The following PMFBP1 variants were observed in gnomAD, a reference collection of about 807,000 sequenced individuals.
PMFBP1 encodes polyamine-modulated factor 1-binding protein 1.
A neutral mutation model predicts 137.8 loss-of-function variants in PMFBP1; 131 were observed. The ratio of observed to expected loss-of-function variants is 0.95; its 90% confidence interval spans 0.82 to 1.10. The LOEUF (loss-of-function observed/expected upper bound fraction) is 1.10. Among genes scored for constraint, PMFBP1 ranks in the 50% least tolerant of loss-of-function variants. The pLI is 0.00. For missense variants in PMFBP1, 1,199 were observed against 1,175.4 expected, an observed-to-expected ratio of 1.02 and a Z score of -0.29; for synonymous variants, 490 against 450.4, an observed-to-expected ratio of 1.09 and a Z score of -1.11.
chr16:72,169,692 C>T (rs1477735527), intron 2 of PMFBP1, among the ~76,000 whole-genome samples: 1 of 152,052 alleles, frequency 6.6e-6, no homozygotes, highest in African/African-American at 2.4e-5. Context: ...CACACACACA[C>T]ACACAGATTA....
chr16:72,150,641 C>A lies in PMFBP1; in HGVS notation c.603G>T (p.Met201Ile). 6.2e-7 allele frequency: 1 copy of A among 1,613,774 alleles called. No homozygotes were observed. The highest frequency in any genetic ancestry group is 8.5e-7 in the Non-Finnish European group (1 of 1,180,022). ...NIELLECQVK[M>I]LQGELGGIMG... ...TGATCCCGCCGAGTTCCCCCTGCAA[C>A]ATCTTCACTTGGCATTCTAGTAACT... The change falls in exon 5 of 21, where the codon ATG (methionine) becomes ATT (isoleucine). Residue 201 changes from methionine to isoleucine, a missense_variant. Transcript: ENST00000237353.
chr16:72,236,515 AT>A, the PMFBP1 span, among the ~76,000 whole-genome samples: 18 of 152,150 alleles, frequency 1.2e-4, no homozygotes, highest in South Asian at 2.1e-4. Flanking sequence ...AATAAGGCTC[AT>A]TTTTTTTAAA....
At chr16:72,215,602 A>G in the PMFBP1 span, among the ~76,000 whole-genome samples, 2 of 152,352 alleles carry the variant, frequency 1.3e-5, no homozygotes, top group East Asian at 3.8e-4. Flanking sequence ...CCTTGCAGAA[A>G]GAATGAATAG....
chr16:72,129,055 C>T lies in PMFBP1; in HGVS notation c.1950+11G>A. ...TTCCTGACCCAGCTCTCCTGGGATTCTCCCACTCACCGTCTTGTCTTTCTT... is the reference window on the plus strand; with the variant it reads ...TTCCTGACCCAGCTCTCCTGGGATTTTCCCACTCACCGTCTTGTCTTTCTT... On this transcript the variant is annotated intron_variant, in intron 13 of 20. Transcript: ENST00000237353. 1 of 1,612,572 alleles carries T rather than the reference C, an allele frequency of 6.2e-7. No homozygotes were observed.
At chr16:72,218,416 T>A in the PMFBP1 span, among the ~76,000 whole-genome samples, 1 of 151,878 alleles carries the variant, frequency 6.6e-6, no homozygotes, top group South Asian at 2.1e-4. Context: ...CAACCTCCAC[T>A]CCCTGGGTTC....
chr16:72,191,236 G>A, the PMFBP1 span, among the ~76,000 whole-genome samples: 8 of 152,202 alleles, frequency 5.3e-5, no homozygotes, highest in East Asian at 1.2e-3. Context: ...AAATTGTTTC[G>A]GAAGCGCAGG....
chr16:72,236,840 G>GT, the PMFBP1 span, among the ~76,000 whole-genome samples: 1 of 152,180 alleles, frequency 6.6e-6, no homozygotes, highest in Non-Finnish European at 1.5e-5. Context: ...TAAGTGATAT[G>GT]TATAGTACTT....
At chr16:72,130,065 G>A (rs2042524666) in intron 12 of PMFBP1, 148 bp downstream of exon 12, 1 of 946,736 alleles carries the variant, frequency 1.1e-6, no homozygotes, top group Non-Finnish European at 1.6e-6. Flanking sequence ...ATGTTGCCTA[G>A]GCTGGTCTGG....
the PMFBP1 span, among the ~76,000 whole-genome samples, chr16:72,204,969 T>A: frequency 1.3e-5 from 2 of 152,214 alleles, no homozygotes; most frequent in Admixed American, 1.3e-4. Flanking sequence ...GGCTGCCATA[T>A]TGGAGAGTGC....
chr16:72,127,976 A>G (rs930200544), intron 14 of PMFBP1, among the ~76,000 whole-genome samples: 3 of 152,224 alleles, frequency 2.0e-5, no homozygotes, highest in Non-Finnish European at 4.4e-5. Flanking sequence ...TCTCTTGCCC[A>G]GAAAGATGGA....
chr16:72,169,343 G>A (rs573886894), intron 2 of PMFBP1, among the ~76,000 whole-genome samples: 1 of 152,252 alleles, frequency 6.6e-6, no homozygotes, highest in South Asian at 2.1e-4. Context: ...AGAGTTTACA[G>A]TTATCTACAG....
chr16:72,218,330 C>T, the PMFBP1 span, among the ~76,000 whole-genome samples: 1 of 152,102 alleles, frequency 6.6e-6, no homozygotes, highest in Non-Finnish European at 1.5e-5. Context: ...ATTCTTAATA[C>T]TTAAACTTTT....
intron 17 of PMFBP1, 60 bp from the exon 18 acceptor site, chr16:72,123,709 C>A: frequency 6.8e-7 from 1 of 1,467,098 alleles, no homozygotes; most frequent in Non-Finnish European, 9.4e-7. Flanking sequence ...GTCAGCCCTC[C>A]TTCCGAGTCA....
At chr16:72,194,046 T>C in the PMFBP1 span, among the ~76,000 whole-genome samples, 1 of 151,854 alleles carries the variant, frequency 6.6e-6, no homozygotes, top group Admixed American at 6.6e-5. Context: ...AGTCCCCTGA[T>C]CTCTTGGAGC....
At chr16:72,211,118 A>G in the PMFBP1 span, among the ~76,000 whole-genome samples, 1 of 152,338 alleles carries the variant, frequency 6.6e-6, no homozygotes. Flanking sequence ...GTGCTTTCAG[A>G]GAAGTTGTCT....
the PMFBP1 span, among the ~76,000 whole-genome samples, chr16:72,198,078 T>G: frequency 6.6e-6 from 1 of 152,220 alleles, no homozygotes; most frequent in East Asian, 1.9e-4. Flanking sequence ...CTTTTCTTTT[T>G]GCCTTTTTCA....
chr16:72,229,723 GA>G, the PMFBP1 span, among the ~76,000 whole-genome samples: 1 of 152,074 alleles, frequency 6.6e-6, no homozygotes, highest in African/African-American at 2.4e-5. Context: ...ATTTATTGCA[GA>G]AAATTATAAG....
chr16:72,223,668 A>G, the PMFBP1 span, among the ~76,000 whole-genome samples: 6 of 152,224 alleles, frequency 3.9e-5, no homozygotes, highest in Admixed American at 3.3e-4. Context: ...AACAAGCTAG[A>G]GCTGCTGAGT....
chr16:72,195,171 C>G, the PMFBP1 span, among the ~76,000 whole-genome samples: 1 of 152,222 alleles, frequency 6.6e-6, no homozygotes, highest in Non-Finnish European at 1.5e-5. Context: ...TGACTGGGTG[C>G]AGCGATGGCA....
Sources: allele counts gnomAD v4.1 joint callset (sites outside exome capture counted in the v4.1 genomes callset), GRCh38; gene constraint gnomAD v4.1.1; transcripts MANE v1.5; gene names NCBI Gene and HGNC (gene_info 2026-07-23, HGNC 2026-07-21).